The following UST variants were observed in gnomAD, a reference collection of about 807,000 sequenced individuals.
UST encodes chondroitin sulfate 2-O-sulfotransferase.
A neutral mutation model predicts 45.6 loss-of-function variants in UST; 21 were observed. The ratio of observed to expected loss-of-function variants is 0.46; its 90% confidence interval spans 0.33 to 0.66. UST has a LOEUF of 0.66. Ranked by LOEUF, UST falls within the 30% of genes least tolerant of loss-of-function variation. The probability of loss-of-function intolerance (pLI) is 0.02; values close to 1 mark genes in which losing one functional copy is unlikely to be tolerated. For missense variants in UST, 463 were observed against 512.4 expected (o/e 0.90, Z 0.93); for synonymous variants, 215 against 200.6 (o/e 1.07, Z -0.61).
chr6:149,010,305 ACT>A (rs939687913), intron 5 of UST, among the ~76,000 whole-genome samples: 2 of 152,060 alleles, frequency 1.3e-5, no homozygotes, highest in South Asian at 2.1e-4. Flanking sequence ...TGTTTTCCAG[ACT>A]CTCTGTGAGA....
chr6:149,022,556 C>T (rs760977828), intron 7 of UST, among the ~76,000 whole-genome samples: 8 of 152,018 alleles, frequency 5.3e-5, no homozygotes, highest in African/African-American at 1.7e-4. Context: ...GCCAAGATCG[C>T]GCCACTGCAC....
intron 3 of UST, among the ~76,000 whole-genome samples, chr6:148,942,215 C>T (rs1443589128): frequency 6.6e-6 from 1 of 151,968 alleles, no homozygotes; most frequent in Non-Finnish European, 1.5e-5. Context: ...GAGCAGCCAC[C>T]CAATGAGTGG....
chr6:148,999,422 T>A (rs941631559), intron 5 of UST, among the ~76,000 whole-genome samples: 2 of 152,260 alleles, frequency 1.3e-5, no homozygotes, highest in Admixed American at 6.5e-5. Flanking sequence ...TAGAATATAA[T>A]TCTGATACAG....
chr6:148,775,386 T>C (rs1776511129), intron 1 of UST, among the ~76,000 whole-genome samples: 1 of 152,134 alleles, frequency 6.6e-6, no homozygotes, highest in African/African-American at 2.4e-5. Context: ...TCTTTACCAA[T>C]GGCAGTTTCC....
intron 2 of UST, among the ~76,000 whole-genome samples, chr6:148,929,043 C>G (rs1336293369): frequency 6.6e-6 from 1 of 152,162 alleles, no homozygotes; most frequent in Non-Finnish European, 1.5e-5. Context: ...TTGAGAATGT[C>G]CTTGGTGTTT....
chr6:148,847,664 T>C (rs183410684), intron 1 of UST, among the ~76,000 whole-genome samples: 2 of 152,230 alleles, frequency 1.3e-5, no homozygotes, highest in Non-Finnish European at 2.9e-5. Context: ...TAGAATTCTT[T>C]TTAAAAAGTG....
chr6:149,045,703 A>T (rs770489939), intron 7 of UST, among the ~76,000 whole-genome samples: 2 of 152,214 alleles, frequency 1.3e-5, no homozygotes, highest in Non-Finnish European at 2.9e-5. Flanking sequence ...GACTGAGCTT[A>T]AAGCCAGCAA....
At chr6:148,977,280 TTACATAA>T (rs1227116993) in intron 5 of UST, among the ~76,000 whole-genome samples, 3 of 151,432 alleles carry the variant, frequency 2.0e-5, no homozygotes, top group Non-Finnish European at 4.4e-5. Context: ...TATTGTATAA[TTACATAA>T]TACATAGTTT....
intron 5 of UST, among the ~76,000 whole-genome samples, chr6:149,009,765 A>G (rs1775773450): frequency 6.6e-6 from 1 of 152,112 alleles, no homozygotes; most frequent in African/African-American, 2.4e-5. Context: ...GAGGGACACA[A>G]CTGAGAGGCA....
intron 5 of UST, among the ~76,000 whole-genome samples, chr6:149,013,957 C>G (rs1775858262): frequency 6.6e-6 from 1 of 152,214 alleles, no homozygotes; most frequent in Non-Finnish European, 1.5e-5. Flanking sequence ...TTAACTCCAC[C>G]TGGGAATTTC....
chr6:148,898,628 A>G (rs1240424974), intron 2 of UST, among the ~76,000 whole-genome samples: 3 of 152,262 alleles, frequency 2.0e-5, no homozygotes, highest in African/African-American at 7.2e-5. Flanking sequence ...CTTGCCCAAG[A>G]AGAACATAAT....
intron 1 of UST, among the ~76,000 whole-genome samples, chr6:148,820,413 T>C (rs1039129389): frequency 2.0e-5 from 3 of 152,194 alleles, no homozygotes; most frequent in Non-Finnish European, 1.5e-5. Flanking sequence ...CTCATTTACC[T>C]CTCAAACTTG....
chr6:148,923,038 T>G (rs1250313429), intron 2 of UST, among the ~76,000 whole-genome samples: 2 of 152,114 alleles, frequency 1.3e-5, no homozygotes, highest in Admixed American at 6.5e-5. Flanking sequence ...CCTCAAGTGA[T>G]CCACCCATCT....
At chr6:148,865,623 G>A (rs1778410683) in intron 1 of UST, among the ~76,000 whole-genome samples, 1 of 150,928 alleles carries the variant, frequency 6.6e-6, no homozygotes, top group Non-Finnish European at 1.5e-5. Flanking sequence ...AATGTCATTA[G>A]CATCCAGGTC....
intron 1 of UST, among the ~76,000 whole-genome samples, chr6:148,775,660 C>T (rs144111838): frequency 6.6e-6 from 1 of 151,506 alleles, no homozygotes; most frequent in East Asian, 1.9e-4. Flanking sequence ...GAGAGTCTCA[C>T]TCTATCCCCC....
At chr6:148,829,129 A>G (rs1251207954) in intron 1 of UST, among the ~76,000 whole-genome samples, 1 of 149,146 alleles carries the variant, frequency 6.7e-6, no homozygotes. Context: ...GGACATTTCA[A>G]GTTAAGCCCT....
intron 1 of UST, among the ~76,000 whole-genome samples, chr6:148,878,260 C>T (rs1293596304): frequency 4.7e-4 from 27 of 57,598 alleles, no homozygotes; most frequent in East Asian, 1.0e-3. Flanking sequence ...TGTATGAGTG[C>T]GGAGATCGTG....
intron 5 of UST, 50 bp from the exon 6 acceptor site, chr6:149,019,089 G>A (rs1160426129): frequency 7.5e-7 from 1 of 1,341,106 alleles, no homozygotes; most frequent in African/African-American, 1.4e-5. Flanking sequence ...GCATTTGATA[G>A]AGCCTTGCAG....
chr6:148,781,164 G>A (rs1234070133), intron 1 of UST, among the ~76,000 whole-genome samples: 2 of 152,278 alleles, frequency 1.3e-5, no homozygotes, highest in Middle Eastern at 3.4e-3. Context: ...GAAATAGACC[G>A]AAAGCTGAGA....
Sources: allele counts gnomAD v4.1 joint callset (sites outside exome capture counted in the v4.1 genomes callset), GRCh38; gene constraint gnomAD v4.1.1; transcripts MANE v1.5; gene names NCBI Gene and HGNC (gene_info 2026-07-23, HGNC 2026-07-21).